TREH: variants seen among roughly 807,000 people sequenced by gnomAD.
The protein encoded by TREH is trehalase.
A neutral mutation model predicts 80.5 loss-of-function variants in TREH; 69 were observed. The ratio of observed to expected loss-of-function variants is 0.86; its 90% CI spans 0.71 to 1.05. TREH has a LOEUF of 1.05. Ranked by LOEUF, TREH falls within the 50% of genes least tolerant of loss-of-function variation. The pLI is 0.00. For synonymous variants in TREH, 309 were observed against 293.5 expected, an observed-to-expected ratio of 1.05 and a Z score of -0.54; for missense variants, 716 against 718.8, an observed-to-expected ratio of 1.00 and a Z score of 0.04.
At chr11:118,667,845 C>A (rs1444264503) in intron 1 of TREH, among the ~76,000 whole-genome samples, 1 of 152,114 alleles carries the variant, frequency 6.6e-6, no homozygotes, top group Non-Finnish European at 1.5e-5. Context: ...ATTTTTATCA[C>A]CTTAAAGTCT....
At chr11:118,659,166 G>A (rs1478681850) in intron 12 of TREH, 149 bp from the exon 13 acceptor site, 28 of 961,776 alleles carry the variant, frequency 2.9e-5, no homozygotes, top group African/African-American at 4.9e-5. Flanking sequence ...CTTAATCGAC[G>A]GCCCTGGTTT....
Position 118,658,292 on chromosome 11 carries a change from C to T in TREH, c.1749G>A (p.Trp583Ter). ...LPSLLLSLLPW is the reference protein window; with the variant it reads ...LPSLLLSLLP ...CCAGGTGAGGAGAGGAGGGCTGTCA[C>T]CATGGCAGGAGGCTGAGCAGGAGGC... The change falls in exon 15 of 15, where the codon TGG becomes TGA. Residue 583 changes from tryptophan to a stop codon, truncating the protein, a stop_gained. Coordinates refer to ENST00000264029, the MANE Select transcript of TREH (RefSeq NM_007180.3). LOFTEE classifies it high-confidence loss of function. The T allele has an allele frequency of 6.3e-7, 1 of 1,585,368 alleles. No homozygotes were observed. Among genetic ancestry groups the T allele is most frequent in the Non-Finnish European group, 8.6e-7 (1 of 1,166,590 alleles).
rs782178104 is a variant in TREH, at chr11:118,659,398, C to T, written c.1404G>A (p.Trp468Ter). 4.4e-6 allele frequency: 7 copies of T among 1,599,086 alleles called. No homozygotes were observed. The highest frequency in any genetic ancestry group is 5.1e-6 in the Non-Finnish European group (6 of 1,172,116). ...TGQQWDFPNA[W>*]APLQDLVIRG... ...TGATGACCAGGTCCTGCAGGGGGGC[C>T]CAGGCATTGGGGAAATCCCACTGCT... Residue 468 changes from tryptophan (W) to a stop codon, truncating the protein, a stop_gained, in exon 12 of 15, where the codon TGG becomes TGA. Transcript: ENST00000264029. LOFTEE classifies it high-confidence loss of function.
At position 118,659,836 on chromosome 11, in the gene TREH, G is replaced by A. The variant is rs782451740; in HGVS notation, c.1231C>T (p.Arg411Trp). Residue 411 changes from arginine (R) to tryptophan (W), a missense_variant, in exon 11 of 15, where the codon CGG becomes TGG. Coordinates refer to ENST00000264029, the MANE Select transcript of TREH (RefSeq NM_007180.3). Reference protein sequence around the residue: ...DYDLEKKKKNREFYPSNLTPL... With the variant: ...DYDLEKKKKNWEFYPSNLTPL... Reference sequence around the variant, plus strand: ...GTGAGGTTGGATGGGTAAAACTCCCGGTTTTTCTTCTTCTTCTCAAGGTCG... The same window carrying A: ...GTGAGGTTGGATGGGTAAAACTCCCAGTTTTTCTTCTTCTTCTCAAGGTCG... The A allele has an allele frequency of 7.0e-6, 11 of 1,564,942 alleles. No individual in the cohort carries two copies. The highest frequency in any genetic ancestry group is 3.5e-5 in the South Asian group (3 of 84,880).
At chr11:118,659,698 G>C in intron 11 of TREH, 49 bp downstream of exon 11, 1 of 1,545,716 alleles carries the variant, frequency 6.5e-7, no homozygotes, top group Non-Finnish European at 8.8e-7. Flanking sequence ...AGGGTCGGGA[G>C]GGGGCGGTGC....
intron 1 of TREH, among the ~76,000 whole-genome samples, chr11:118,669,910 T>G (rs148746174): frequency 1.3e-5 from 2 of 152,262 alleles, no homozygotes; most frequent in Non-Finnish European, 2.9e-5. Context: ...GGACACCCCA[T>G]GTACCCTGAT....
At chr11:118,659,685 T>C (rs1949289775) in intron 11 of TREH, 62 bp downstream of exon 11, 4 of 1,536,162 alleles carry the variant, frequency 2.6e-6, no homozygotes, top group Non-Finnish European at 3.5e-6. Flanking sequence ...GCAGGTCCTG[T>C]TCAGGGTCGG....
chr11:118,675,943 T>C (rs781801897), intron 1 of TREH, among the ~76,000 whole-genome samples: 21 of 152,186 alleles, frequency 1.4e-4, no homozygotes, highest in African/African-American at 5.1e-4. Flanking sequence ...CCTCAAGTGA[T>C]CCATCCACCT....
Position 118,662,924 on chromosome 11 carries a change from C to A in TREH, c.380G>T (p.Trp127Leu). 1 of 1,608,902 alleles carries A rather than the reference C, an allele frequency of 6.2e-7. No homozygotes were observed. Among genetic ancestry groups the A allele is most frequent in the South Asian group, 1.1e-5 (1 of 90,126 alleles). ...QKISDAKLRA[W>L]AGQLHQLWKK... ...CCAGAGCTGATGCAGCTGCCCTGCC[C>A]AGGCACGCAGTTTGGCATCTGAAAT... The change falls in exon 4 of 15, where the codon TGG (tryptophan) becomes TTG (leucine). Residue 127 changes from tryptophan to leucine, a missense_variant. Coordinates refer to ENST00000264029, the MANE Select transcript of TREH (RefSeq NM_007180.3).
chr11:118,658,311 A>C lies in TREH; in HGVS notation c.1730T>G (p.Leu577Arg), dbSNP rs782442827. 5 of 1,589,314 alleles carry C rather than the reference A, an allele frequency of 3.1e-6. No individual in the cohort carries two copies. Among genetic ancestry groups the C allele is most frequent in the Non-Finnish European group, 3.4e-6 (4 of 1,168,788 alleles). ...CTGTCACCATGGCAGGAGGCTGAGC[A>C]GGAGGCTGGGCAGAAGGGTGGCCGC... ...CLAATLLPSL[L>R]LSLLPW The change falls in exon 15 of 15, where the codon CTG becomes CGG. Residue 577 changes from leucine to arginine, a missense_variant. Transcript: ENST00000264029.
intron 12 of TREH, 121 bp from the exon 13 acceptor site, chr11:118,659,138 A>G: frequency 3.6e-6 from 4 of 1,100,560 alleles, no homozygotes; most frequent in East Asian, 4.8e-5. Context: ...CCTTCCTGAG[A>G]CCACAGGCCA....
At position 118,663,390 on chromosome 11, in the gene TREH, GC is replaced by G; in HGVS notation, c.138del (p.Lys46AsnfsTer16). The G allele has an allele frequency of 6.3e-7, 1 of 1,597,878 alleles. No individual in the cohort carries two copies. Among genetic ancestry groups the G allele is most frequent in the Non-Finnish European group, 8.5e-7 (1 of 1,172,224 alleles). The stretch of plus-strand genomic sequence containing the variant: ...ACAAACTGCTTGTCATCCTGGTAGA[GC>G]TTGGCCATTTGAACTTGGTTTAGGA... ...GELLNQVQMA[K>X]LYQDDKQFVD... On this transcript the variant is annotated frameshift_variant, in exon 2 of 15. Transcript: ENST00000264029. LOFTEE classifies it high-confidence loss of function.
At position 118,659,462 on chromosome 11, in the gene TREH, TA is replaced by T; in HGVS notation, c.1339del (p.Tyr447ThrfsTer98). 1 of 1,602,262 alleles carries T rather than the reference TA, an allele frequency of 6.2e-7. No homozygotes were observed. The highest frequency in any genetic ancestry group is 1.1e-5 in the South Asian group (1 of 89,148). ...KYLEDNRILTYQYGIPTSLQK... is the reference protein window; with the variant it reads ...KYLEDNRILTXQYGIPTSLQK... ...GAGAGAGGTCGGGATCCCATACTGG[TA>T]AGTCAGGATCCGGTTGTCCTAGAAG... On this transcript the variant is annotated frameshift_variant, in exon 12 of 15. Coordinates refer to ENST00000264029, the MANE Select transcript of TREH (RefSeq NM_007180.3). LOFTEE classifies it high-confidence loss of function.
At position 118,661,417 on chromosome 11, in the gene TREH, T is replaced by G; in HGVS notation, c.710A>C (p.His237Pro). Residue 237 changes from histidine (H) to proline (P), a missense_variant, in exon 7 of 15, where the codon CAC (histidine) becomes CCC (proline). Physicochemically the swap from His to Pro is moderately conservative, Grantham distance 77. Transcript: ENST00000264029. The surrounding 1 kb of genome is among the most constrained non-coding windows in gnomAD (Gnocchi z 4.2). ...CTGTAGAAAGGCGGTGTCATTGGTG[T>G]GAGTCAAGTAGCAATCCATCATGAG... ...LTLMMDCYLTHTNDTAFLQEN... is the reference protein window; with the variant it reads ...LTLMMDCYLTPTNDTAFLQEN... 1 of 1,613,892 alleles carries G rather than the reference T, an allele frequency of 6.2e-7. No homozygotes were observed.
At position 118,659,394 on chromosome 11, in the gene TREH, G is replaced by T. The variant is rs782282504; in HGVS notation, c.1408C>A (p.Pro470Thr). The change falls in exon 12 of 15, where the codon CCC becomes ACC. Residue 470 changes from proline (P) to threonine (T), a missense_variant. Physicochemically the swap from Pro to Thr is conservative, Grantham distance 38 (BLOSUM62 -1). Coordinates refer to ENST00000264029, the MANE Select transcript of TREH (RefSeq NM_007180.3). ...CCTCTGATGACCAGGTCCTGCAGGG[G>T]GGCCCAGGCATTGGGGAAATCCCAC... ...QQWDFPNAWA[P>T]LQDLVIRGLA... The T allele has an allele frequency of 6.3e-7, 1 of 1,595,938 alleles. No homozygotes were observed. The highest frequency in any genetic ancestry group is 8.5e-7 in the Non-Finnish European group (1 of 1,170,268).
Position 118,661,243 on chromosome 11 carries a change from C to G in TREH, c.774G>C (p.Trp258Cys). 2 of 1,613,910 alleles carry G rather than the reference C, an allele frequency of 1.2e-6. No homozygotes were observed. The highest frequency in any genetic ancestry group is 1.7e-6 in the Non-Finnish European group (2 of 1,179,872). ...TCACAGAGACAGTCCTGTTCTTGGT[C>G]CAAAAGTCCAATTCCAAGGCTAGTG... Reference protein sequence around the residue: ...IETLALELDFWTKNRTVSVSL... With the variant: ...IETLALELDFCTKNRTVSVSL... The change falls in exon 8 of 15, where the codon TGG (tryptophan) becomes TGC (cysteine). Residue 258 changes from tryptophan to cysteine, a missense_variant. Transcript: ENST00000264029. This position sits in a 1 kb window ranked among gnomAD's most constrained non-coding sequence, Gnocchi z 4.2.
In TREH at chr11:118,658,140, C is replaced by G; in HGVS notation, c.*149G>C. 8.9e-7 allele frequency: 1 copy of G among 1,128,554 alleles called. No individual in the cohort carries two copies. Among genetic ancestry groups the G allele is most frequent in the South Asian group, 1.6e-5 (1 of 62,614 alleles). 69.9% of individuals were successfully genotyped at this position (1,128,554 alleles called of 1,614,324 possible). On this transcript the variant is annotated 3_prime_UTR_variant, in exon 15 of 15. Coordinates refer to ENST00000264029, the MANE Select transcript of TREH (RefSeq NM_007180.3). ...GTTCCAGGAGGGAGCTAGGCCCCTA[C>G]CCATGACCTCCAGGTCGTGACCCTG...
chr11:118,661,781 C>T lies in TREH; in HGVS notation c.525-52G>A, dbSNP rs1949325681. The T allele has an allele frequency of 6.2e-7, 1 of 1,607,894 alleles. No homozygotes were observed. Among genetic ancestry groups the T allele is most frequent in the Non-Finnish European group, 8.5e-7 (1 of 1,174,970 alleles). ...CCCTGCTGCCTCCCTCTGCCCTGCACACCAGCCAGTGGGGCACTCTGCCCT... is the reference window on the plus strand; with the variant it reads ...CCCTGCTGCCTCCCTCTGCCCTGCATACCAGCCAGTGGGGCACTCTGCCCT... On this transcript the variant is annotated intron_variant, in intron 5 of 14. Coordinates refer to ENST00000264029, the MANE Select transcript of TREH (RefSeq NM_007180.3). This position sits in a 1 kb window ranked among gnomAD's most constrained non-coding sequence, Gnocchi z 4.2.
chr11:118,668,988 G>A (rs1245637636), intron 1 of TREH, among the ~76,000 whole-genome samples: 1 of 152,012 alleles, frequency 6.6e-6, no homozygotes, highest in Non-Finnish European at 1.5e-5. Context: ...TTAAATATGG[G>A]CAAAAGAACT....
Sources: allele counts gnomAD v4.1 joint callset (sites outside exome capture counted in the v4.1 genomes callset), GRCh38; gene constraint gnomAD v4.1.1; non-coding constraint Gnocchi (gnomAD v3.1); transcripts MANE v1.5; gene names NCBI Gene and HGNC (gene_info 2026-07-23, HGNC 2026-07-21).